Variants in PPP6R1 observed in about 807,000 individuals in gnomAD.
The protein encoded by PPP6R1 is serine/threonine-protein phosphatase 6 regulatory subunit 1.
In PPP6R1, 39 loss-of-function variants were observed where a neutral mutation model predicts 104.6. The observed-to-expected ratio is 0.37, with a 90% CI of 0.29 to 0.49. PPP6R1 has a LOEUF of 0.49. Ranked by LOEUF, PPP6R1 falls within the 20% of genes least tolerant of loss-of-function variation. The probability of loss-of-function intolerance (pLI) is 0.98; values close to 1 mark genes in which losing one functional copy is unlikely to be tolerated. For missense variants in PPP6R1, 1,181 were observed against 1,155.8 expected, an observed-to-expected ratio of 1.02 and a Z score of -0.32; for synonymous variants, 549 against 479.0, an observed-to-expected ratio of 1.15 and a Z score of -1.91.
intron 1 of PPP6R1, among the ~76,000 whole-genome samples, chr19:55,256,134 G>T (rs1049256756): frequency 6.6e-6 from 1 of 152,220 alleles, no homozygotes; most frequent in Non-Finnish European, 1.5e-5. Context: ...CTAATGGAAA[G>T]AAACAGTAGA....
intron 17 of PPP6R1, 95 bp from the exon 18 acceptor site, chr19:55,232,306 G>C (rs145604418): frequency 6.9e-7 from 1 of 1,446,354 alleles, no homozygotes; most frequent in Non-Finnish European, 9.1e-7. Flanking sequence ...CAAGGAGAGC[G>C]GGCTGGGATG....
At position 55,232,202 on chromosome 19, in the gene PPP6R1, G is replaced by C; in HGVS notation, c.1998C>G (p.Gly666=). Residue 666 remains glycine, a synonymous_variant, in exon 18 of 24, where the codon GGC becomes GGG. Transcript: ENST00000412770. ...LGQPPGVRSG[G]STDSEDEEEE... ...CTTCTTCGTCCTCACTGTCTGTGCT[G>C]CCTCCACTCCTGCCCCAGAAACCAC... 1.3e-6 allele frequency: 2 copies of C among 1,549,284 alleles called. No homozygotes were observed. The highest frequency in any genetic ancestry group is 1.7e-6 in the Non-Finnish European group (2 of 1,145,564).
chr19:55,230,312 T>G lies in PPP6R1; in HGVS notation c.*216A>C, dbSNP rs778456626. ...TCTATTTGACTCTCTGTATCTTTAT[T>G]CTAGGAGGCAACGCTCCAAAACTTC... On this transcript the variant is annotated 3_prime_UTR_variant, in exon 24 of 24. Transcript: ENST00000412770. 1.8e-5 allele frequency: 11 copies of G among 611,222 alleles called. No individual in the cohort carries two copies. The highest frequency in any genetic ancestry group is 3.2e-5 in the Non-Finnish European group (11 of 345,862). The allele number at this position is 611,222 out of a possible 1,614,324, so 37.9% of individuals were successfully genotyped here.
chr19:55,248,346 A>G (rs1454291763), intron 1 of PPP6R1, among the ~76,000 whole-genome samples: 1 of 152,234 alleles, frequency 6.6e-6, no homozygotes, highest in African/African-American at 2.4e-5. Context: ...CTCGAAGGCC[A>G]TCTGGTCCCA....
intron 1 of PPP6R1, among the ~76,000 whole-genome samples, chr19:55,254,469 C>T (rs1407933125): frequency 6.6e-6 from 1 of 152,164 alleles, no homozygotes; most frequent in Non-Finnish European, 1.5e-5. Flanking sequence ...CCTGCTTGGA[C>T]AGGCACTAAC....
intron 1 of PPP6R1, among the ~76,000 whole-genome samples, chr19:55,256,799 C>T (rs144907551): frequency 3.3e-5 from 5 of 152,170 alleles, no homozygotes; most frequent in East Asian, 1.9e-4. Flanking sequence ...GCTGGGCAAA[C>T]GAGCAAAACC....
At chr19:55,253,318 G>A (rs563651035) in intron 1 of PPP6R1, among the ~76,000 whole-genome samples, 5 of 152,354 alleles carry the variant, frequency 3.3e-5, no homozygotes, top group African/African-American at 1.2e-4. Context: ...CTAAACAACA[G>A]GCAGAAATTC....
chr19:55,229,121 T>C (rs750007598), downstream of PPP6R1: 7 of 223,704 alleles, frequency 3.1e-5, no homozygotes, highest in Non-Finnish European at 5.6e-5. Context: ...GGAGTGCCCC[T>C]GGAGGGATGG....
chr19:55,234,461 A>G (rs369282622), intron 17 of PPP6R1, among the ~76,000 whole-genome samples: 20 of 152,344 alleles, frequency 1.3e-4, no homozygotes, highest in South Asian at 1.0e-3. Context: ...CTGGTTATCT[A>G]TATGTAAAGG....
Position 55,239,695 on chromosome 19 carries a change from A to AG in PPP6R1, c.1564-13dup. On this transcript the variant is annotated splice_polypyrimidine_tract_variant and intron_variant, in intron 13 of 23. Transcript: ENST00000412770. Reference sequence around the variant, plus strand: ...TGGTGGGTGTTCACCTGGGGAGAGGAGGGGGCGTCAGGGCCTGCTGGAGCC... The same window carrying AG: ...TGGTGGGTGTTCACCTGGGGAGAGGAGGGGGGCGTCAGGGCCTGCTGGAGCC... 1.9e-6 allele frequency: 3 copies of AG among 1,603,284 alleles called. No homozygotes were observed. Among genetic ancestry groups the AG allele is most frequent in the Non-Finnish European group, 2.6e-6 (3 of 1,173,314 alleles).
At chr19:55,257,565 G>A (rs574587939) in intron 1 of PPP6R1, among the ~76,000 whole-genome samples, 2 of 152,032 alleles carry the variant, frequency 1.3e-5, no homozygotes, top group East Asian at 1.9e-4. Flanking sequence ...TGCACGTGCT[G>A]CTCCTTCCCC....
intron 1 of PPP6R1, among the ~76,000 whole-genome samples, chr19:55,252,836 C>G (rs972472389): frequency 6.6e-6 from 1 of 152,140 alleles, no homozygotes; most frequent in African/African-American, 2.4e-5. Flanking sequence ...CTGCGCCTGG[C>G]TGTACACTCT....
rs768221132 is a variant in PPP6R1, at chr19:55,245,306, T to C, written c.511A>G (p.Thr171Ala). 6.2e-7 allele frequency: 1 copy of C among 1,605,530 alleles called. No homozygotes were observed. Among genetic ancestry groups the C allele is most frequent in the South Asian group, 1.1e-5 (1 of 89,858 alleles). Residue 171 changes from threonine to alanine, a missense_variant, in exon 4 of 24, where the codon ACC (threonine) becomes GCC (alanine). By Grantham distance (58) the Thr-to-Ala change is moderately conservative. Coordinates refer to ENST00000412770, the MANE Select transcript of PPP6R1 (RefSeq NM_014931.4). The surrounding 1 kb of genome is among the most constrained non-coding windows in gnomAD (Gnocchi z 6.4). ...CTCAGCTGAGGCCGCTCCACACAGGTGAGCAGGCGCAGCAGGAGGTCCATG... is the reference window on the plus strand; with the variant it reads ...CTCAGCTGAGGCCGCTCCACACAGGCGAGCAGGCGCAGCAGGAGGTCCATG... ...AIMDLLLRLL[T>A]CVERPQLRQD...
chr19:55,251,474 C>T (rs1012120878), intron 1 of PPP6R1, among the ~76,000 whole-genome samples: 1 of 152,216 alleles, frequency 6.6e-6, no homozygotes, highest in African/African-American at 2.4e-5. Flanking sequence ...CTACGGGGTC[C>T]CTAAATCAGG....
In PPP6R1 at chr19:55,253,419, G is replaced by A. The variant is rs561841043; in HGVS notation, c.-7+5016C>T. On this transcript the variant is annotated intron_variant, in intron 1 of 23. Transcript: ENST00000412770. ...CCCCAAACCCCCTACCCCTGGTACA[G>A]ACTAACCATCTGCTTCGGGGAAAAG... 1.2e-4 allele frequency among the ~76,000 whole-genome samples: 19 copies of A among 152,328 alleles called. No individual in the cohort carries two copies. In the South Asian group the frequency reaches 3.5e-3, roughly 28 times the overall value.
chr19:55,232,441 G>T, intron 17 of PPP6R1: 1 of 562,184 alleles, frequency 1.8e-6, no homozygotes, highest in Non-Finnish European at 3.0e-6. Flanking sequence ...GCCGTAAGGA[G>T]ACCGTCCGTC....
At position 55,230,362 on chromosome 19, in the gene PPP6R1, G is replaced by C; in HGVS notation, c.*166C>G. 3.0e-6 allele frequency: 3 copies of C among 989,930 alleles called. No homozygotes were observed. The highest frequency in any genetic ancestry group is 4.5e-6 in the Non-Finnish European group (3 of 668,516). The allele number at this position is 989,930 out of a possible 1,614,324, so 61.3% of individuals were successfully genotyped here. On this transcript the variant is annotated 3_prime_UTR_variant, in exon 24 of 24. Transcript: ENST00000412770. ...CTCTTCTCAGTGCAAATGGGGGTGG[G>C]TTGGGCCTGTCTCCCTGGCACCAGC...
At chr19:55,236,058 T>C (rs2087396005) in intron 17 of PPP6R1, among the ~76,000 whole-genome samples, 1 of 151,878 alleles carries the variant, frequency 6.6e-6, no homozygotes, top group South Asian at 2.1e-4. Context: ...CTCAAACTCC[T>C]GAGCTCAAGC....
rs530252122 is a variant in PPP6R1 at position 55,235,379 on chromosome 19, T to C, written c.1988+1264A>G. On this transcript the variant is annotated intron_variant, in intron 17 of 23. Transcript: ENST00000412770. ...TGAGAGCTAACACGAGGAAGTGAAG[T>C]GAAGGGATGAAGGAAGGAGACAGGG... Among the ~76,000 whole-genome samples, 7 of 151,886 alleles carry C rather than the reference T, an allele frequency of 4.6e-5. No individual in the cohort carries two copies. The South Asian group carries it at 1.3e-3, about 27-fold the overall frequency.
Sources: gnomAD v4.1 joint callset for allele counts (sites outside exome capture counted in the v4.1 genomes callset) on GRCh38, gnomAD v4.1.1 for gene constraint, Gnocchi (gnomAD v3.1) non-coding constraint, MANE v1.5 for transcripts, NCBI Gene and HGNC (gene_info 2026-07-23, HGNC 2026-07-21) for gene names.